Variants in THSD4 observed in about 807,000 individuals in gnomAD.
The protein encoded by THSD4 is thrombospondin type 1 domain containing 4.
THSD4 carries 69 observed loss-of-function variants against 119.0 expected under a neutral mutation model. That is an observed-to-expected ratio of 0.58 (90% CI 0.48 to 0.71). THSD4 has a LOEUF of 0.71. Among genes scored for constraint, THSD4 ranks in the 30% least tolerant of loss-of-function variants. The pLI, the probability that THSD4 is intolerant of heterozygous loss-of-function variation, is 0.00. For synonymous variants in THSD4, 524 were observed against 540.4 expected (o/e 0.97, Z 0.42); for missense variants, 1,393 against 1,391.1 (o/e 1.00, Z -0.02).
intron 7 of THSD4, among the ~76,000 whole-genome samples, chr15:71,446,032 A>G (rs1421082835): frequency 6.6e-6 from 1 of 152,096 alleles, no homozygotes; most frequent in Admixed American, 6.5e-5. Flanking sequence ...ATTTCCTTCA[A>G]CTCTCCCAAA....
chr15:71,389,096 A>G (rs1347049857), intron 6 of THSD4, among the ~76,000 whole-genome samples: 3 of 152,162 alleles, frequency 2.0e-5, no homozygotes, highest in East Asian at 1.9e-4. Flanking sequence ...AACTGAGTCC[A>G]TTAAACCTCT....
In THSD4 at chr15:71,421,335, T is replaced by G. The variant is rs1566976815; in HGVS notation, c.1152+9512T>G. On this transcript the variant is annotated intron_variant, in intron 7 of 17. Coordinates refer to ENST00000261862, the MANE Select transcript of THSD4 (RefSeq NM_024817.3). Reference sequence around the variant, plus strand: ...TAGTCTCTTTCTACTCCCTTTAGTATTTCTTGTAGGATAGGGCTTGTGTTG... The same window carrying G: ...TAGTCTCTTTCTACTCCCTTTAGTAGTTCTTGTAGGATAGGGCTTGTGTTG... 1.3e-3 allele frequency among the ~76,000 whole-genome samples: 137 copies of G among 104,984 alleles called. 1 individual carries two copies. Among genetic ancestry groups the G allele is most frequent in the Admixed American group, 0.013 (105 of 8,202 alleles). 68.9% of individuals were successfully genotyped at this position (104,984 alleles called of 152,430 possible). A position where few individuals can be genotyped will look rare whatever the true frequency, so the allele number is the denominator to read the frequency against.
At chr15:71,442,603 TG>T in intron 7 of THSD4, among the ~76,000 whole-genome samples, 1 of 16,134 alleles carries the variant, frequency 6.2e-5, no homozygotes, top group Non-Finnish European at 2.2e-4. Flanking sequence ...TATATATATG[TG>T]TGTGTGTGTG....
intron 3 of THSD4, chr15:71,165,487 T>G: frequency 8.2e-7 from 1 of 1,226,344 alleles, no homozygotes; most frequent in East Asian, 2.3e-5. Context: ...GCCCTGGCGC[T>G]GTCTCTGTGG....
chr15:71,668,065 G>T, intron 8 of THSD4, among the ~76,000 whole-genome samples: 1 of 151,744 alleles, frequency 6.6e-6, no homozygotes, highest in African/African-American at 2.4e-5. Flanking sequence ...AGAGTATTCT[G>T]TACAGTGGAT....
At chr15:71,603,941 G>T (rs1226433840) in intron 7 of THSD4, among the ~76,000 whole-genome samples, 1 of 152,108 alleles carries the variant, frequency 6.6e-6, no homozygotes, top group African/African-American at 2.4e-5. Flanking sequence ...ATGGAGAGAA[G>T]AACTGAATAT....
chr15:71,487,519 T>C lies in THSD4; in HGVS notation c.1152+75696T>C, dbSNP rs534882231. 2.6e-5 allele frequency among the ~76,000 whole-genome samples: 4 copies of C among 152,350 alleles called. No individual in the cohort carries two copies. In the East Asian group the frequency reaches 5.8e-4, roughly 22 times the overall value. The stretch of plus-strand genomic sequence containing the variant: ...GATAGCTGTAACCTGCAAGAAACTG[T>C]CAACCAGTGTATAAGGGCCAAAGCA... On this transcript the variant is annotated intron_variant, in intron 7 of 17. Coordinates refer to ENST00000261862, the MANE Select transcript of THSD4 (RefSeq NM_024817.3).
chr15:71,377,639 T>G lies in THSD4; in HGVS notation c.1016-34048T>G, dbSNP rs1482836613. 5.9e-5 allele frequency among the ~76,000 whole-genome samples: 9 copies of G among 152,122 alleles called. 1 individual carries two copies. The Middle Eastern group carries it at 0.014, about 230-fold the overall frequency. ...GAGGGCGGGCGTGATGAGGCCTGCC[T>G]GTGGGTTTAGAGACAACACCCAGGG... is the stretch of plus-strand genomic sequence containing the variant. On this transcript the variant is annotated intron_variant, in intron 6 of 17. Coordinates refer to ENST00000261862, the MANE Select transcript of THSD4 (RefSeq NM_024817.3).
rs188561383 is a variant in THSD4, at chr15:71,636,860, G to A, written c.1153-23670G>A. On this transcript the variant is annotated intron_variant, in intron 7 of 17. Coordinates refer to ENST00000261862, the MANE Select transcript of THSD4 (RefSeq NM_024817.3). ...GAAATCTACAGGCTTGACATCTGTGGGCCAGGCGCTCTCTCTCAATATTTT... is the reference window on the plus strand; with the variant it reads ...GAAATCTACAGGCTTGACATCTGTGAGCCAGGCGCTCTCTCTCAATATTTT... Among the ~76,000 whole-genome samples the A allele has an allele frequency of 2.6e-5, 4 of 151,920 alleles. No homozygotes were observed. In the East Asian group the frequency reaches 7.8e-4, roughly 29 times the overall value.
intron 4 of THSD4, among the ~76,000 whole-genome samples, chr15:71,240,730 T>C (rs1198687911): frequency 1.3e-5 from 2 of 152,016 alleles, no homozygotes; most frequent in African/African-American, 4.8e-5. Context: ...CATGATGTCA[T>C]TCATTTTACC....
At chr15:71,598,117 A>G (rs890802188) in intron 7 of THSD4, among the ~76,000 whole-genome samples, 6 of 152,038 alleles carry the variant, frequency 3.9e-5, no homozygotes, top group African/African-American at 1.4e-4. Flanking sequence ...AAGCCAGGCT[A>G]TCTTGGTGGG....
chr15:71,306,329 A>G (rs2045028408), intron 6 of THSD4, among the ~76,000 whole-genome samples: 1 of 150,148 alleles, frequency 6.7e-6, no homozygotes. Flanking sequence ...AAAAAAAAAA[A>G]AAAAAAAAAG....
At chr15:71,415,423 A>AAT (rs1311984903) in intron 7 of THSD4, among the ~76,000 whole-genome samples, 6 of 152,316 alleles carry the variant, frequency 3.9e-5, no homozygotes, top group Non-Finnish European at 7.4e-5. Flanking sequence ...GTGGGCACAT[A>AAT]ATATATATTT....
At chr15:71,545,545 A>G (rs1243238597) in intron 7 of THSD4, among the ~76,000 whole-genome samples, 1 of 152,166 alleles carries the variant, frequency 6.6e-6, no homozygotes, top group Non-Finnish European at 1.5e-5. Flanking sequence ...CTGGCCTTTT[A>G]CAGAAAGTTT....
chr15:71,389,421 C>A (rs1279262960), intron 6 of THSD4, among the ~76,000 whole-genome samples: 1 of 151,640 alleles, frequency 6.6e-6, no homozygotes, highest in Non-Finnish European at 1.5e-5. Context: ...TTAGCACAAT[C>A]ACCTCAAGGT....
chr15:71,204,640 G>A (rs1305139411), intron 3 of THSD4, among the ~76,000 whole-genome samples: 1 of 152,114 alleles, frequency 6.6e-6, no homozygotes, highest in Non-Finnish European at 1.5e-5. Flanking sequence ...AGAGAGGGAC[G>A]GCAGACTTGG....
intron 5 of THSD4, among the ~76,000 whole-genome samples, chr15:71,256,212 C>T (rs972677109): frequency 2.0e-5 from 3 of 152,214 alleles, no homozygotes; most frequent in East Asian, 1.9e-4. Flanking sequence ...CGGTGGCTGA[C>T]GCCTGTAATC....
In THSD4 at chr15:71,737,945, G is replaced by A. The variant is rs369839470; in HGVS notation, c.1844G>A (p.Arg615His). ...LVPPAPQPPR[R>H]SRDHNWKQLG... The stretch of plus-strand genomic sequence containing the variant: ...CCACCAGCACCGCAGCCCCCACGGC[G>A]CAGCCGGGATCACAACTGGAAGCAG... The change falls in exon 11 of 18, where the codon CGC (arginine) becomes CAC (histidine). Residue 615 changes from arginine to histidine, a missense_variant. Coordinates refer to ENST00000261862, the MANE Select transcript of THSD4 (RefSeq NM_024817.3). 2.2e-5 allele frequency: 35 copies of A among 1,613,932 alleles called. No individual in the cohort carries two copies. The highest frequency in any genetic ancestry group is 2.0e-4 in the African/African-American group (15 of 74,948).
intron 4 of THSD4, among the ~76,000 whole-genome samples, chr15:71,229,114 T>C (rs551300354): frequency 6.6e-6 from 1 of 152,366 alleles, no homozygotes; most frequent in South Asian, 2.1e-4. Flanking sequence ...TTAAGCTCTT[T>C]AGAGGCTTGC....
Sources: gnomAD v4.1 joint callset for allele counts (sites outside exome capture counted in the v4.1 genomes callset) on GRCh38, gnomAD v4.1.1 for gene constraint, MANE v1.5 for transcripts, NCBI Gene and HGNC (gene_info 2026-07-23, HGNC 2026-07-21) for gene names.